PDE8A: variants seen among roughly 807,000 people sequenced by gnomAD.
The protein encoded by PDE8A is phosphodiesterase 8A, also known as high affinity cAMP-specific and IBMX-insensitive 3',5'-cyclic phosphodiesterase 8A.
PDE8A carries 59 observed loss-of-function variants against 105.0 expected under a neutral mutation model. The ratio of observed to expected loss-of-function variants is 0.56; its 90% CI spans 0.46 to 0.70. The LOEUF is 0.70. PDE8A is among the 30% of genes least tolerant of loss of function. The probability of loss-of-function intolerance (pLI) is 0.00; values close to 1 mark genes in which losing one functional copy is unlikely to be tolerated. For missense variants in PDE8A, 1,014 were observed against 1,045.9 expected (o/e 0.97, Z 0.42); for synonymous variants, 355 against 371.9 (o/e 0.95, Z 0.52).
Position 85,095,879 on chromosome 15 carries a change from T to C in PDE8A, c.853-2069T>C, listed in dbSNP as rs529943702. Among the ~76,000 whole-genome samples, 3 of 148,356 alleles carry C rather than the reference T, an allele frequency of 2.0e-5. No homozygotes were observed. The East Asian group carries it at 5.9e-4, about 29-fold the overall frequency. On this transcript the variant is annotated intron_variant, in intron 8 of 21. Coordinates refer to ENST00000394553, the MANE Select transcript of PDE8A (RefSeq NM_002605.3). ...TCCTGAATATATATATATATATTTT[T>C]TTTATATATATATTTTTTGTTTTTG...
At chr15:85,120,753 C>G (rs780045355) in intron 17 of PDE8A, 44 bp from the exon 18 acceptor site, 4 of 1,258,448 alleles carry the variant, frequency 3.2e-6, no homozygotes. Flanking sequence ...GCTTCCTTGC[C>G]TTCAGTGTCA....
At chr15:85,089,470 C>G in intron 7 of PDE8A, 54 bp downstream of exon 7, 1 of 1,028,558 alleles carries the variant, frequency 9.7e-7, no homozygotes, top group Admixed American at 2.0e-5. Flanking sequence ...CTTTTTCCAA[C>G]TTTTAGGATT....
At chr15:84,980,596 G>T (rs1254239056), upstream of PDE8A, 1 of 152,374 alleles carries the variant, frequency 6.6e-6, no homozygotes. Flanking sequence ...AGACTGGCGG[G>T]GGTCCGAGGC....
chr15:85,118,661 T>G (rs1011947396), intron 17 of PDE8A, among the ~76,000 whole-genome samples: 7 of 152,254 alleles, frequency 4.6e-5, no homozygotes, highest in African/African-American at 1.4e-4. Flanking sequence ...TTTCTTCTCC[T>G]TTGTCCCAGT....
At chr15:85,043,766 T>G (rs1215083531) in intron 1 of PDE8A, among the ~76,000 whole-genome samples, 1 of 152,098 alleles carries the variant, frequency 6.6e-6, no homozygotes, top group African/African-American at 2.4e-5. Flanking sequence ...CGTGTGATCT[T>G]GGCACACTGC....
chr15:85,028,840 C>T (rs775976307), intron 1 of PDE8A, among the ~76,000 whole-genome samples: 5 of 150,484 alleles, frequency 3.3e-5, no homozygotes, highest in Admixed American at 6.6e-5. Context: ...CTGTGGTTTA[C>T]TTGAGAGCAT....
chr15:85,056,942 T>A (rs2081069588), intron 1 of PDE8A, among the ~76,000 whole-genome samples: 1 of 152,232 alleles, frequency 6.6e-6, no homozygotes, highest in South Asian at 2.1e-4. Context: ...TCCCCATCTT[T>A]GTGGTTTTAT....
intron 16 of PDE8A, 100 bp downstream of exon 16, chr15:85,116,219 G>A (rs1392352641): frequency 8.0e-7 from 1 of 1,251,638 alleles, no homozygotes; most frequent in East Asian, 2.5e-5. Flanking sequence ...CCTGGTACCT[G>A]GTCAGGGTGG....
chr15:85,018,847 C>T (rs1003928205), intron 1 of PDE8A, among the ~76,000 whole-genome samples: 1 of 152,128 alleles, frequency 6.6e-6, no homozygotes, highest in Non-Finnish European at 1.5e-5. Flanking sequence ...TTGATACATC[C>T]ACCTTTGCCA....
intron 5 of PDE8A, among the ~76,000 whole-genome samples, chr15:85,080,998 G>C (rs1396184746): frequency 6.6e-6 from 1 of 152,206 alleles, no homozygotes; most frequent in Non-Finnish European, 1.5e-5. Flanking sequence ...AGTCCTCAGA[G>C]ACCACTAACT....
intron 11 of PDE8A, among the ~76,000 whole-genome samples, chr15:85,105,947 A>G (rs1760672336): frequency 6.6e-6 from 1 of 152,084 alleles, no homozygotes; most frequent in African/African-American, 2.4e-5. Flanking sequence ...CAGGGTGGAG[A>G]CGTGGTCCAT....
rs900060108 is a variant in PDE8A, at chr15:85,121,019, G to A, written c.1952+5G>A. 1 of 1,567,530 alleles carries A rather than the reference G, an allele frequency of 6.4e-7. No individual in the cohort carries two copies. Among genetic ancestry groups the A allele is most frequent in the African/African-American group, 1.4e-5 (1 of 74,042 alleles). On this transcript the variant is annotated splice_donor_5th_base_variant and intron_variant, in intron 18 of 21. Transcript: ENST00000394553. ...TATATTTAAAAACATGGAGAGGTAA[G>A]AACAATGATTGGGAAGTGTGTTGAT...
intron 1 of PDE8A, among the ~76,000 whole-genome samples, chr15:85,020,364 G>A (rs996012652): frequency 1.3e-5 from 2 of 152,126 alleles, no homozygotes; most frequent in African/African-American, 4.8e-5. Context: ...AGCACTTTGG[G>A]AAGCCAAGGC....
intron 1 of PDE8A, among the ~76,000 whole-genome samples, chr15:85,004,101 A>G (rs959509619): frequency 1.3e-5 from 2 of 152,218 alleles, no homozygotes; most frequent in Non-Finnish European, 2.9e-5. Context: ...TGTGTGCCCA[A>G]TAAGAAGAGG....
intron 1 of PDE8A, among the ~76,000 whole-genome samples, chr15:85,009,911 A>G (rs1054970153): frequency 6.6e-6 from 1 of 152,262 alleles, no homozygotes; most frequent in Non-Finnish European, 1.5e-5. Flanking sequence ...AAGCTGTAAT[A>G]TAAGCATATA....
intron 5 of PDE8A, among the ~76,000 whole-genome samples, chr15:85,077,841 G>A (rs1390071990): frequency 1.3e-5 from 2 of 152,092 alleles, no homozygotes; most frequent in African/African-American, 4.8e-5. Flanking sequence ...AAACTGAATT[G>A]TAAGAAATGA....
chr15:85,075,942 T>G (rs748779491), intron 4 of PDE8A, 24 bp downstream of exon 4: 2 of 1,348,306 alleles, frequency 1.5e-6, no homozygotes, highest in Non-Finnish European at 2.1e-6. Context: ...TTTTTAATGT[T>G]GAAATTGAGG....
intron 5 of PDE8A, among the ~76,000 whole-genome samples, chr15:85,077,377 G>T (rs974358496): frequency 1.3e-5 from 2 of 152,176 alleles, no homozygotes; most frequent in African/African-American, 4.8e-5. Flanking sequence ...GAATCATACA[G>T]AGAGAACTTA....
At chr15:85,002,665 CTGGGGGAGG>C (rs1244317623) in intron 1 of PDE8A, among the ~76,000 whole-genome samples, 1 of 152,188 alleles carries the variant, frequency 6.6e-6, no homozygotes. Flanking sequence ...CTCATCTTTC[CTGGGGGAGG>C]TGGGGGAGGT....
Sources: allele counts gnomAD v4.1 joint callset (sites outside exome capture counted in the v4.1 genomes callset), GRCh38; gene constraint gnomAD v4.1.1; transcripts MANE v1.5; gene names NCBI Gene and HGNC (gene_info 2026-07-23, HGNC 2026-07-21).